FBXO11: variants seen among roughly 807,000 people sequenced by gnomAD.
FBXO11 encodes F-box only protein 11.
Under a neutral mutation model 117.0 loss-of-function variants are expected in FBXO11, and 13 were observed. The ratio of observed to expected loss-of-function variants is 0.11; its 90% CI spans 0.07 to 0.18. FBXO11 has a LOEUF of 0.18. Among genes scored for constraint, FBXO11 ranks in the 10% least tolerant of loss-of-function variants. FBXO11 has a pLI of 1.00. For missense variants in FBXO11, 767 were observed against 1,164.4 expected (o/e 0.66, Z 4.97); for synonymous variants, 490 against 380.5 (o/e 1.29, Z -3.35).
At chr2:47,887,281 G>A (rs1482703190) in intron 1 of FBXO11, among the ~76,000 whole-genome samples, 5 of 123,326 alleles carry the variant, frequency 4.1e-5, no homozygotes, top group African/African-American at 6.2e-5. Context: ...GCGAAACTCC[G>A]TTTCAAAAAA....
At chr2:47,853,281 A>T (rs1674018740) in intron 1 of FBXO11, among the ~76,000 whole-genome samples, 2 of 152,058 alleles carry the variant, frequency 1.3e-5, no homozygotes, top group Admixed American at 1.3e-4. Flanking sequence ...CACGTTGGCC[A>T]GGCTGGTCTC....
chr2:47,839,396 T>G (rs757422007), intron 3 of FBXO11, 23 bp downstream of exon 3: 2 of 1,590,136 alleles, frequency 1.3e-6, no homozygotes, highest in African/African-American at 2.7e-5. Context: ...TTACCCTATT[T>G]GTTACTTTCC....
chr2:47,808,043 T>C lies in FBXO11; in HGVS notation c.*75A>G, dbSNP rs1670347171. The C allele has an allele frequency of 3.7e-6, 5 of 1,348,316 alleles. No individual in the cohort carries two copies. The Admixed American group carries it at 5.8e-5, about 16-fold the overall frequency. 83.5% of individuals were successfully genotyped at this position (1,348,316 alleles called of 1,614,324 possible). A position where few individuals can be genotyped will look rare whatever the true frequency, so the allele number is the denominator to read the frequency against. On this transcript the variant is annotated 3_prime_UTR_variant, in exon 23 of 23. Transcript: ENST00000403359. The stretch of plus-strand genomic sequence containing the variant: ...TCTCTTCCTGTAGCATGGGCAAATA[T>C]TTTAAATCTTCTTCCAAAAAAGTGT...
chr2:47,900,625 TATACACACACGTACGTATATACAC>T (rs1415386640), intron 1 of FBXO11, among the ~76,000 whole-genome samples: 10,872 of 51,994 alleles, frequency 0.21, 2,347 homozygotes, highest in East Asian at 0.45. Context: ...TATACACACG[TATACACACACGTACGTATATACAC>T]ACGTATACAC....
intron 11 of FBXO11, among the ~76,000 whole-genome samples, chr2:47,825,091 A>T (rs974835965): frequency 3.3e-5 from 5 of 151,866 alleles, no homozygotes; most frequent in Admixed American, 1.3e-4. Context: ...GATTTGATGA[A>T]TTTTTTTTGC....
intron 16 of FBXO11, chr2:47,814,344 G>A (rs142497067): frequency 6.7e-6 from 1 of 149,396 alleles, no homozygotes; most frequent in Non-Finnish European, 1.5e-5. Flanking sequence ...CTAAAAAAAT[G>A]CTCATAACAA....
chr2:47,852,889 C>T (rs749176415), intron 1 of FBXO11, among the ~76,000 whole-genome samples: 10 of 152,090 alleles, frequency 6.6e-5, no homozygotes, highest in Non-Finnish European at 1.2e-4. Flanking sequence ...CTAGGTCACA[C>T]AGTATTAAGC....
At position 47,834,702 on chromosome 2, in the gene FBXO11, T is replaced by C; in HGVS notation, c.811A>G (p.Thr271Ala). 1.2e-6 allele frequency: 2 copies of C among 1,609,622 alleles called. No homozygotes were observed. Among genetic ancestry groups the C allele is most frequent in the Non-Finnish European group, 1.7e-6 (2 of 1,178,696 alleles). ...ACCCCACCAAGGGCATCTTCAATAG[T>C]ATCATAATACTAGAAAAAAATAAAT... is the stretch of plus-strand genomic sequence containing the variant. ...KGRENMLYYD[T>A]IEDALGGVQE... The change falls in exon 7 of 23, where the codon ACT (threonine) becomes GCT (alanine). Residue 271 changes from threonine to alanine, a missense_variant. By Grantham distance (58) the Thr-to-Ala change is moderately conservative. This residue lies in a region of FBXO11 where 32 missense variants were observed against 48.4 expected (regional missense o/e 0.66). Coordinates refer to ENST00000403359, the MANE Select transcript of FBXO11 (RefSeq NM_001190274.2).
chr2:47,842,140 C>T (rs865800541), intron 1 of FBXO11, among the ~76,000 whole-genome samples: 9 of 150,614 alleles, frequency 6.0e-5, no homozygotes, highest in Middle Eastern at 7.1e-3. Context: ...CTCAGCCTCC[C>T]GAGTAGCTGG....
chr2:47,839,043 A>G (rs771676559), intron 3 of FBXO11, 40 bp from the exon 4 acceptor site: 2 of 1,560,950 alleles, frequency 1.3e-6, no homozygotes, highest in Non-Finnish European at 8.7e-7. Flanking sequence ...TTCGAGCAAT[A>G]ACTTTCTCAT....
intron 18 of FBXO11, 154 bp from the exon 19 acceptor site, chr2:47,810,580 C>T (rs1670542659): frequency 1.8e-6 from 1 of 544,858 alleles, no homozygotes; most frequent in Non-Finnish European, 3.2e-6. Context: ...ATTAGCAATT[C>T]AGAGGTATTA....
intron 1 of FBXO11, among the ~76,000 whole-genome samples, chr2:47,861,723 G>A (rs1674792590): frequency 6.6e-6 from 1 of 152,110 alleles, no homozygotes; most frequent in Non-Finnish European, 1.5e-5. Flanking sequence ...CTGGGAAAGA[G>A]ACGTCCTTCT....
intron 18 of FBXO11, among the ~76,000 whole-genome samples, chr2:47,812,312 G>C (rs1670675061): frequency 1.3e-5 from 2 of 152,156 alleles, no homozygotes; most frequent in Non-Finnish European, 2.9e-5. Context: ...AGTATCTAAA[G>C]AATAAAAGTG....
At chr2:47,874,845 T>C (rs1425638108) in intron 1 of FBXO11, among the ~76,000 whole-genome samples, 4 of 151,028 alleles carry the variant, frequency 2.6e-5, no homozygotes, top group East Asian at 1.9e-4. Flanking sequence ...ACATACAAAA[T>C]TTAAAAAACA....
chr2:47,830,364 C>G (rs1462223341), intron 11 of FBXO11, among the ~76,000 whole-genome samples: 1 of 151,850 alleles, frequency 6.6e-6, no homozygotes, highest in Non-Finnish European at 1.5e-5. Flanking sequence ...CTACAATATC[C>G]ATAAGGCGTT....
At chr2:47,904,244 A>G (rs939762197) in intron 1 of FBXO11, among the ~76,000 whole-genome samples, 6 of 152,194 alleles carry the variant, frequency 3.9e-5, no homozygotes, top group Non-Finnish European at 7.3e-5. Context: ...TCCGCCAACT[A>G]AAACACGCAA....
At chr2:47,874,105 T>C (rs921393546) in intron 1 of FBXO11, among the ~76,000 whole-genome samples, 10 of 152,076 alleles carry the variant, frequency 6.6e-5, no homozygotes, top group Admixed American at 2.0e-4. Flanking sequence ...TTCCAGCTAC[T>C]TGGGAGGCTG....
At position 47,878,835 on chromosome 2, in the gene FBXO11, G is replaced by C. The variant is rs368643476; in HGVS notation, c.232+26654C>G. Among the ~76,000 whole-genome samples, 349 of 151,988 alleles carry C rather than the reference G, an allele frequency of 2.3e-3. 2 individuals are homozygous for C. The highest frequency in any genetic ancestry group is 7.3e-3 in the South Asian group (35 of 4,818). On this transcript the variant is annotated intron_variant, in intron 1 of 22. Coordinates refer to ENST00000403359, the MANE Select transcript of FBXO11 (RefSeq NM_001190274.2). The stretch of plus-strand genomic sequence containing the variant: ...ATTCCTACTAAAAATACAGAAATTA[G>C]CCTGGCGTGGTGGGATGCCTGTAAT...
chr2:47,888,323 G>A (rs1677020880), intron 1 of FBXO11, among the ~76,000 whole-genome samples: 1 of 152,136 alleles, frequency 6.6e-6, no homozygotes, highest in Non-Finnish European at 1.5e-5. Flanking sequence ...ACATCACTCT[G>A]AACAAACCTC....
Sources: allele counts gnomAD v4.1 joint callset (sites outside exome capture counted in the v4.1 genomes callset), GRCh38; gene constraint gnomAD v4.1.1; regional missense constraint gnomAD v4.1.1; transcripts MANE v1.5; gene names NCBI Gene and HGNC (gene_info 2026-07-23, HGNC 2026-07-21).